Variants in TSPAN7 observed in about 807,000 individuals in gnomAD.
TSPAN7 encodes tetraspanin 7.
In TSPAN7, 1 loss-of-function variant was observed where a neutral mutation model predicts 17.6. The ratio of observed to expected loss-of-function variants is 0.06; its 90% confidence interval spans 0.02 to 0.27. TSPAN7 has a LOEUF of 0.27. Ranked by LOEUF, TSPAN7 falls within the 10% of genes least tolerant of loss-of-function variation. The pLI, the probability that TSPAN7 is intolerant of heterozygous loss-of-function variation, is 1.00. For missense variants in TSPAN7, 112 were observed against 201.7 expected (o/e 0.56, Z 2.69); for synonymous variants, 78 against 79.0 (o/e 0.99, Z 0.07).
chrX:38,581,641 G>T (rs1051327460), intron 1 of TSPAN7, among the ~76,000 whole-genome samples: 6 of 112,043 alleles, frequency 5.4e-5, no homozygotes, highest in African/African-American at 1.9e-4. Context: ...GTTTATGGCT[G>T]CTGTGGGTAA....
chrX:38,604,245 GC>G (rs1335310170), intron 1 of TSPAN7, among the ~76,000 whole-genome samples: 2 of 102,950 alleles, frequency 1.9e-5, no homozygotes, highest in African/African-American at 3.5e-5. Flanking sequence ...GTGTATATGT[GC>G]CACATTTTCT....
intron 1 of TSPAN7, among the ~76,000 whole-genome samples, chrX:38,652,129 A>G (rs1267696303): frequency 2.7e-5 from 3 of 111,895 alleles, no homozygotes; most frequent in Non-Finnish European, 5.6e-5. Flanking sequence ...TGTATGACCT[A>G]TCGCTTCCTT....
intron 1 of TSPAN7, among the ~76,000 whole-genome samples, chrX:38,580,903 A>G (rs1051654972): frequency 1.8e-5 from 2 of 111,606 alleles, no homozygotes; most frequent in Non-Finnish European, 1.9e-5. Flanking sequence ...GGGTACTCTG[A>G]GAATCCCTGC....
At chrX:38,585,455 A>G (rs1391885600) in intron 1 of TSPAN7, among the ~76,000 whole-genome samples, 2 of 111,565 alleles carry the variant, frequency 1.8e-5, no homozygotes, top group Non-Finnish European at 3.8e-5. Context: ...TTTTTCCCCT[A>G]ACTTCTATAA....
intron 1 of TSPAN7, among the ~76,000 whole-genome samples, chrX:38,626,318 C>T (rs1470069221): frequency 1.8e-5 from 2 of 111,527 alleles, no homozygotes; most frequent in African/African-American, 6.5e-5. Flanking sequence ...CAAGAAGTCA[C>T]CCTGGATGAT....
chrX:38,576,343 A>G (rs2147397613), intron 1 of TSPAN7, among the ~76,000 whole-genome samples: 1 of 112,114 alleles, frequency 8.9e-6, no homozygotes, highest in African/African-American at 3.2e-5. Flanking sequence ...TAATAAATTA[A>G]CCGCCTGAGC....
At chrX:38,597,885 T>C (rs181005952) in intron 1 of TSPAN7, among the ~76,000 whole-genome samples, 4 of 111,718 alleles carry the variant, frequency 3.6e-5, no homozygotes, top group African/African-American at 1.3e-4. Context: ...TAATAACTGG[T>C]AATTTATGAA....
intron 6 of TSPAN7, among the ~76,000 whole-genome samples, chrX:38,684,457 C>G (rs758629050): frequency 9.0e-6 from 1 of 111,511 alleles, no homozygotes; most frequent in Admixed American, 9.5e-5. Flanking sequence ...GGCAACTGCT[C>G]TTTCACTCGA....
At chrX:38,677,750 T>C (rs1438194456) in intron 5 of TSPAN7, among the ~76,000 whole-genome samples, 1 of 112,727 alleles carries the variant, frequency 8.9e-6, no homozygotes, top group Non-Finnish European at 1.9e-5. Context: ...TAGACATTCT[T>C]ATTTAATGCC....
chrX:38,564,988 C>CTT (rs201353137), intron 1 of TSPAN7, among the ~76,000 whole-genome samples: 2 of 109,035 alleles, frequency 1.8e-5, no homozygotes, highest in East Asian at 5.8e-4. Context: ...CCTATTTTTT[C>CTT]TTTTTTTTTG....
chrX:38,630,306 C>T (rs903761031), intron 1 of TSPAN7, among the ~76,000 whole-genome samples: 1 of 112,077 alleles, frequency 8.9e-6, no homozygotes, highest in Non-Finnish European at 1.9e-5. Context: ...GTTCTGTAGC[C>T]ATCTTTATAT....
chrX:38,665,635 G>GT (rs1239116027), intron 1 of TSPAN7, among the ~76,000 whole-genome samples: 1 of 111,966 alleles, frequency 8.9e-6, no homozygotes, highest in Non-Finnish European at 1.9e-5. Context: ...GGAATATTTT[G>GT]TTTTTGTGGA....
At chrX:38,562,452 G>A (rs2069116917) in intron 1 of TSPAN7, among the ~76,000 whole-genome samples, 1 of 109,681 alleles carries the variant, frequency 9.1e-6, no homozygotes, top group African/African-American at 3.3e-5. Context: ...TGCTGCCGCC[G>A]GTCCTTGAAG....
At chrX:38,581,032 G>A (rs1038528275) in intron 1 of TSPAN7, among the ~76,000 whole-genome samples, 1 of 112,381 alleles carries the variant, frequency 8.9e-6, no homozygotes, top group African/African-American at 3.2e-5. Flanking sequence ...AACTGTAGTG[G>A]GGATAGTTAT....
chrX:38,655,129 A>T (rs188864276), intron 1 of TSPAN7, among the ~76,000 whole-genome samples: 6 of 111,108 alleles, frequency 5.4e-5, no homozygotes, highest in Non-Finnish European at 1.1e-4. Context: ...TTGTGGGAGG[A>T]TTTTGAGCAA....
At chrX:38,568,297 T>G (rs1281209837) in intron 1 of TSPAN7, among the ~76,000 whole-genome samples, 1 of 87,199 alleles carries the variant, frequency 1.1e-5, no homozygotes, top group East Asian at 3.1e-4. Context: ...TTCCTTGGTG[T>G]TTTTTTTTTT....
intron 6 of TSPAN7, among the ~76,000 whole-genome samples, chrX:38,684,152 T>C (rs759459528): frequency 1.8e-5 from 2 of 112,266 alleles, no homozygotes; most frequent in East Asian, 2.8e-4. Context: ...GTCTCAAAGA[T>C]TAAAGGTGGT....
chrX:38,662,098 A>G (rs1051099225), intron 1 of TSPAN7, among the ~76,000 whole-genome samples: 1 of 111,106 alleles, frequency 9.0e-6, no homozygotes, highest in East Asian at 2.8e-4. Context: ...CTTGTAGGTG[A>G]GTTTTTTCCT....
rs779976404 is a variant in TSPAN7, at chrX:38,675,734, C to T, written c.471C>T (p.Thr157=). 2.5e-6 allele frequency: 3 copies of T among 1,211,017 alleles called. No homozygotes were observed. The highest frequency in any genetic ancestry group is 3.4e-6 in the Non-Finnish European group (3 of 895,367). ...GCTGCTGTGGTGTGCAGAACTACAC[C>T]AACTGGAGCACCAGCCCCTACTTCC... ...SLSCCGVQNY[T]NWSTSPYFLE... Residue 157 remains threonine (T), a synonymous_variant, in exon 5 of 8, where the codon ACC becomes ACT. Transcript: ENST00000378482.
Sources: gnomAD v4.1 joint callset for allele counts (sites outside exome capture counted in the v4.1 genomes callset) on GRCh38, gnomAD v4.1.1 for gene constraint, MANE v1.5 for transcripts, NCBI Gene and HGNC (gene_info 2026-07-23, HGNC 2026-07-21) for gene names.